Variants in DYNC2H1 observed in about 807,000 individuals in gnomAD.
DYNC2H1 encodes dynein cytoplasmic 2 heavy chain 1.
Under a neutral mutation model 570.0 loss-of-function variants are expected in DYNC2H1, and 410 were observed. That is an observed-to-expected ratio of 0.72 (90% CI 0.66 to 0.78). DYNC2H1 has a LOEUF of 0.78. Among genes scored for constraint, DYNC2H1 ranks in the 30% least tolerant of loss-of-function variants. The pLI, the probability that DYNC2H1 is intolerant of heterozygous loss-of-function variation, is 0.00. For missense variants in DYNC2H1, 4,865 were observed against 5,046.4 expected (o/e 0.96, Z 1.09); for synonymous variants, 1,688 against 1,677.6 (o/e 1.01, Z -0.15).
intron 59 of DYNC2H1, among the ~76,000 whole-genome samples, chr11:103,224,173 C>A (rs1863709032): frequency 2.0e-5 from 3 of 151,968 alleles, no homozygotes; most frequent in Admixed American, 2.0e-4. Flanking sequence ...AGCTGTGGTT[C>A]TAATTTGCTA....
At position 103,163,746 on chromosome 11, in the gene DYNC2H1, G is replaced by C. The variant is rs1292711832; in HGVS notation, c.4611+599G>C. On this transcript the variant is annotated intron_variant, in intron 30 of 88. Coordinates refer to ENST00000375735, the MANE Select transcript of DYNC2H1 (RefSeq NM_001377.3). The surrounding 1 kb of genome is among the most constrained non-coding windows in gnomAD (Gnocchi z 4.6). Reference sequence around the variant, plus strand: ...CGTTGTTTAATAGTTGGGCCAGACTGTTACAGGTGTAGGTCATCAGGAACT... The same window carrying C: ...CGTTGTTTAATAGTTGGGCCAGACTCTTACAGGTGTAGGTCATCAGGAACT... Among the ~76,000 whole-genome samples the C allele has an allele frequency of 6.6e-6, 1 of 152,148 alleles. No homozygotes were observed. Among genetic ancestry groups the C allele is most frequent in the East Asian group, 1.9e-4 (1 of 5,192 alleles).
At position 103,113,679 on chromosome 11, in the gene DYNC2H1, G is replaced by A. The variant is rs551497110; in HGVS notation, c.338G>A (p.Arg113Gln). The change falls in exon 2 of 89, where the codon CGG becomes CAG. Residue 113 changes from arginine to glutamine, a missense_variant. By Grantham distance (43) the Arg-to-Gln change is conservative. Around this residue, in one of 5 missense-constraint regions of DYNC2H1, gnomAD observed 1,936 missense variants for 1,962.1 expected, o/e 0.99. Coordinates refer to ENST00000375735, the MANE Select transcript of DYNC2H1 (RefSeq NM_001377.3). ...ATTAGTTCTCTTTACCAAGCAGTAC[G>A]GCAAGTATTCGCACCAATGTTGTTA... ...SPISSLYQAVRQVFAPMLLKD... is the reference protein window; with the variant it reads ...SPISSLYQAVQQVFAPMLLKD... 3.9e-6 allele frequency: 6 copies of A among 1,551,058 alleles called. No individual in the cohort carries two copies. Among genetic ancestry groups the A allele is most frequent in the Non-Finnish European group, 4.3e-6 (5 of 1,157,698 alleles).
At chr11:103,148,697 A>T in intron 20 of DYNC2H1, 80 bp downstream of exon 20, 1 of 1,453,194 alleles carries the variant, frequency 6.9e-7, no homozygotes, top group African/African-American at 1.4e-5. Context: ...TTATGTCATT[A>T]TTTACAAATA....
chr11:103,336,105 C>T (rs1939108624), intron 82 of DYNC2H1, among the ~76,000 whole-genome samples: 1 of 152,082 alleles, frequency 6.6e-6, no homozygotes, highest in African/African-American at 2.4e-5. Flanking sequence ...GAAAAAAGAT[C>T]TCTTGCTAGG....
chr11:103,135,714 T>G lies in DYNC2H1; in HGVS notation c.2346-6T>G. ...TTATGTTTTAAAGTTATTTATTTAC[T>G]TTTAGACAGGGACGATTACAATTCA... On this transcript the variant is annotated splice_region_variant and splice_polypyrimidine_tract_variant and intron_variant, in intron 16 of 88. Transcript: ENST00000375735. The G allele has an allele frequency of 6.2e-7, 1 of 1,607,010 alleles. No individual in the cohort carries two copies. Among genetic ancestry groups the G allele is most frequent in the Non-Finnish European group, 8.5e-7 (1 of 1,176,106 alleles).
chr11:103,273,226 A>T (rs941531390), intron 70 of DYNC2H1, among the ~76,000 whole-genome samples: 1 of 141,330 alleles, frequency 7.1e-6, no homozygotes, highest in Non-Finnish European at 1.5e-5. Context: ...GTCTTGCTCT[A>T]TTGCCCAGGC....
Position 103,241,435 on chromosome 11 carries a change from CTT to C in DYNC2H1, c.9820-2255_9820-2254del. The C allele has an allele frequency of 8.5e-7, 1 of 1,169,950 alleles. No individual in the cohort carries two copies. Among genetic ancestry groups the C allele is most frequent in the South Asian group, 1.4e-5 (1 of 72,814 alleles). 72.5% of individuals were successfully genotyped at this position (1,169,950 alleles called of 1,614,324 possible). On this transcript the variant is annotated intron_variant, in intron 63 of 88. Transcript: ENST00000375735. This position sits in a 1 kb window ranked among gnomAD's most constrained non-coding sequence, Gnocchi z 5.1. ...AGACGTAAAATAAGATGACAACAAACTTTTAAGTACCCTTTGAAAAACTTAAG... is the reference window on the plus strand; with the variant it reads ...AGACGTAAAATAAGATGACAACAAACTTAAGTACCCTTTGAAAAACTTAAG...
chr11:103,456,149 T>C, intron 86 of DYNC2H1, 126 bp from the exon 87 acceptor site: 2 of 664,062 alleles, frequency 3.0e-6, no homozygotes, highest in Middle Eastern at 3.5e-4. Flanking sequence ...CATAGTTTAA[T>C]GGTATTATTA....
At chr11:103,296,039 A>G (rs1348895290) in intron 75 of DYNC2H1, among the ~76,000 whole-genome samples, 3 of 152,088 alleles carry the variant, frequency 2.0e-5, no homozygotes, top group Non-Finnish European at 2.9e-5. Context: ...TTCCTCCCCT[A>G]CGCACACAGA....
intron 10 of DYNC2H1, 35 bp downstream of exon 10, chr11:103,121,531 T>A: frequency 6.3e-7 from 1 of 1,597,184 alleles, no homozygotes; most frequent in South Asian, 1.1e-5. Context: ...GAGTACTAAT[T>A]ATAAAATCTG....
Position 103,125,287 on chromosome 11 carries a change from C to T in DYNC2H1, c.1849C>T (p.Leu617Phe). ...AQKFCKQAIILKQVAHFYNSI... is the reference protein window; with the variant it reads ...AQKFCKQAIIFKQVAHFYNSI... ...GAAATTCTGCAAGCAAGCAATTATT[C>T]TTAAACAAGTATGAAATTACATTTT... The change falls in exon 12 of 89, where the codon CTT becomes TTT. Residue 617 changes from leucine (L) to phenylalanine (F), a missense_variant. Leu to Phe is a conservative substitution (Grantham distance 22, BLOSUM62 0). Transcript: ENST00000375735. 6.3e-7 allele frequency: 1 copy of T among 1,588,454 alleles called. No individual in the cohort carries two copies. The highest frequency in any genetic ancestry group is 8.6e-7 in the Non-Finnish European group (1 of 1,165,778).
chr11:103,179,340 C>T (rs991853430), intron 39 of DYNC2H1, 107 bp downstream of exon 39: 1 of 996,462 alleles, frequency 1.0e-6, no homozygotes, highest in Admixed American at 3.1e-5. Flanking sequence ...CATATTTTTC[C>T]CATTTATGAT....
At position 103,259,957 on chromosome 11, in the gene DYNC2H1, A is replaced by G; in HGVS notation, c.10675A>G (p.Ile3559Val). Residue 3559 changes from isoleucine to valine, a missense_variant, in exon 70 of 89, where the codon ATA (isoleucine) becomes GTA (valine). By Grantham distance (29) the Ile-to-Val change is conservative. Transcript: ENST00000375735. ...SSLQHMVYEY[I>V]CRCLFKADQL... Reference sequence around the variant, plus strand: ...ATTACAACATATGGTATATGAATATATATGTCGTTGTCTATTTAAGGTAAG... The same window carrying G: ...ATTACAACATATGGTATATGAATATGTATGTCGTTGTCTATTTAAGGTAAG... The G allele has an allele frequency of 6.6e-7, 1 of 1,514,312 alleles. No individual in the cohort carries two copies. Among genetic ancestry groups the G allele is most frequent in the Non-Finnish European group, 8.9e-7 (1 of 1,127,862 alleles). 93.8% of individuals were successfully genotyped at this position (1,514,312 alleles called of 1,614,324 possible).
intron 84 of DYNC2H1, among the ~76,000 whole-genome samples, chr11:103,429,017 T>G (rs953919483): frequency 2.5e-4 from 37 of 148,236 alleles, no homozygotes; most frequent in Admixed American, 5.4e-4. Context: ...TCCTAGCACT[T>G]TGGGAGGCCA....
chr11:103,291,853 C>T (rs1471687264), intron 75 of DYNC2H1, among the ~76,000 whole-genome samples: 1 of 151,946 alleles, frequency 6.6e-6, no homozygotes, highest in Non-Finnish European at 1.5e-5. Flanking sequence ...TCTCTTTTAT[C>T]TGATATAATT....
At chr11:103,194,187 A>G (rs1210815958) in intron 47 of DYNC2H1, among the ~76,000 whole-genome samples, 3 of 151,296 alleles carry the variant, frequency 2.0e-5, no homozygotes, top group Non-Finnish European at 2.9e-5. Flanking sequence ...TTGTCACTTC[A>G]AGAAAGTTAT....
At chr11:103,359,623 T>C (rs1056647563) in intron 83 of DYNC2H1, among the ~76,000 whole-genome samples, 13 of 151,934 alleles carry the variant, frequency 8.6e-5, no homozygotes, top group Non-Finnish European at 1.8e-4. Context: ...AAACTCACTG[T>C]ATTCTCTGCC....
chr11:103,150,872 A>G (rs1463733627), intron 20 of DYNC2H1, among the ~76,000 whole-genome samples: 1 of 152,170 alleles, frequency 6.6e-6, no homozygotes, highest in East Asian at 1.9e-4. Context: ...GTATTATAAG[A>G]GGAAATATGT....
At position 103,453,066 on chromosome 11, in the gene DYNC2H1, G is replaced by A. The variant is rs549447258; in HGVS notation, c.12457-2120G>A. ...CCCATTTAGCTGTTCAATTCTATTAGCTATTTATTCACTTACTTCCATGTT... is the reference window on the plus strand; with the variant it reads ...CCCATTTAGCTGTTCAATTCTATTAACTATTTATTCACTTACTTCCATGTT... On this transcript the variant is annotated intron_variant, in intron 85 of 88. Coordinates refer to ENST00000375735, the MANE Select transcript of DYNC2H1 (RefSeq NM_001377.3). Among the ~76,000 whole-genome samples, 30 of 151,996 alleles carry A rather than the reference G, an allele frequency of 2.0e-4. 1 individual carries two copies. The South Asian group carries it at 5.8e-3, about 29-fold the overall frequency.
Sources: allele counts gnomAD v4.1 joint callset (sites outside exome capture counted in the v4.1 genomes callset), GRCh38; gene constraint gnomAD v4.1.1; regional missense constraint gnomAD v4.1.1; non-coding constraint Gnocchi (gnomAD v3.1); transcripts MANE v1.5; gene names NCBI Gene and HGNC (gene_info 2026-07-23, HGNC 2026-07-21).